The following DOCK3 variants were observed in gnomAD, a reference collection of about 807,000 sequenced individuals.
The protein encoded by DOCK3 is dedicator of cytokinesis 3.
A neutral mutation model predicts 265.6 loss-of-function variants in DOCK3; 60 were observed. That is an observed-to-expected ratio of 0.23 (90% CI 0.18 to 0.28). DOCK3 has a LOEUF of 0.28. DOCK3 is among the 10% of genes least tolerant of loss of function. The pLI, the probability that DOCK3 is intolerant of heterozygous loss-of-function variation, is 1.00. For missense variants in DOCK3, 1,981 were observed against 2,594.3 expected, an observed-to-expected ratio of 0.76 and a Z score of 5.14; for synonymous variants, 881 against 938.0, an observed-to-expected ratio of 0.94 and a Z score of 1.11.
Position 50,810,432 on chromosome 3 carries a change from T to C in DOCK3, c.122-31243T>C, listed in dbSNP as rs533837460. On this transcript the variant is annotated intron_variant, in intron 2 of 52. Transcript: ENST00000266037. ...TGGGCGTTGTGATGGGCACCTGTAATCCCGGCTACTTGGGAGGCTAGGGCA... is the reference window on the plus strand; with the variant it reads ...TGGGCGTTGTGATGGGCACCTGTAACCCCGGCTACTTGGGAGGCTAGGGCA... 2.0e-5 allele frequency among the ~76,000 whole-genome samples: 3 copies of C among 152,110 alleles called. No individual in the cohort carries two copies. The South Asian group carries it at 6.3e-4, about 32-fold the overall frequency.
chr3:51,203,184 A>C (rs1409984325), intron 12 of DOCK3, among the ~76,000 whole-genome samples: 1 of 152,074 alleles, frequency 6.6e-6, no homozygotes, highest in Non-Finnish European at 1.5e-5. Context: ...TAGGCAGGAG[A>C]AGGAAATAAA....
chr3:50,838,584 T>C (rs925189667), intron 2 of DOCK3, among the ~76,000 whole-genome samples: 6 of 152,338 alleles, frequency 3.9e-5, no homozygotes, highest in Admixed American at 3.9e-4. Context: ...TCTGAAATTT[T>C]GTAAAGTCAA....
chr3:51,019,276 T>C (rs1395911602), intron 5 of DOCK3, among the ~76,000 whole-genome samples: 3 of 151,920 alleles, frequency 2.0e-5, no homozygotes, highest in Non-Finnish European at 4.4e-5. Context: ...AATATACATC[T>C]GGAGTTGAAT....
chr3:51,327,253 G>C (rs2084188951), intron 32 of DOCK3, among the ~76,000 whole-genome samples: 1 of 152,128 alleles, frequency 6.6e-6, no homozygotes, highest in African/African-American at 2.4e-5. Flanking sequence ...TAGGCTCATA[G>C]AGATGAAAAT....
intron 4 of DOCK3, among the ~76,000 whole-genome samples, chr3:50,903,734 G>A (rs1364495129): frequency 6.6e-6 from 1 of 151,916 alleles, no homozygotes; most frequent in East Asian, 1.9e-4. Flanking sequence ...AGTTTTAGTA[G>A]AAATGGTACC....
At chr3:51,009,316 A>C (rs545706878) in intron 5 of DOCK3, among the ~76,000 whole-genome samples, 1 of 152,162 alleles carries the variant, frequency 6.6e-6, no homozygotes, top group East Asian at 1.9e-4. Flanking sequence ...GTCTATTCAG[A>C]GATTCAACTT....
chr3:51,033,954 G>C lies in DOCK3; in HGVS notation c.316-30494G>C, dbSNP rs1020355472. Reference sequence around the variant, plus strand: ...TCCACTTAAGCCTCACAGTAAGTTTGATGTTTGTTCTTTTTTCAGTTTTAC... The same window carrying C: ...TCCACTTAAGCCTCACAGTAAGTTTCATGTTTGTTCTTTTTTCAGTTTTAC... On this transcript the variant is annotated intron_variant, in intron 5 of 52. Transcript: ENST00000266037. 4.6e-5 allele frequency among the ~76,000 whole-genome samples: 7 copies of C among 152,118 alleles called. 1 individual carries two copies. Among genetic ancestry groups the C allele is most frequent in the African/African-American group, 1.7e-4 (7 of 41,434 alleles).
At chr3:51,203,124 C>G (rs1172954907) in intron 12 of DOCK3, among the ~76,000 whole-genome samples, 1 of 152,156 alleles carries the variant, frequency 6.6e-6, no homozygotes. Context: ...GGGATGCCCT[C>G]TCTCACCACT....
chr3:50,992,663 G>C (rs2078149847), intron 5 of DOCK3, among the ~76,000 whole-genome samples: 1 of 152,176 alleles, frequency 6.6e-6, no homozygotes, highest in African/African-American at 2.4e-5. Context: ...TAAGAAAAGA[G>C]AGAAGATTTA....
At chr3:50,885,362 C>T (rs1055045979) in intron 3 of DOCK3, among the ~76,000 whole-genome samples, 5 of 89,398 alleles carry the variant, frequency 5.6e-5, no homozygotes, top group African/African-American at 1.9e-4. Flanking sequence ...CTTTTGTATG[C>T]AGTTTTTTTT....
At chr3:50,741,724 G>A (rs1344869781) in intron 1 of DOCK3, among the ~76,000 whole-genome samples, 8 of 151,560 alleles carry the variant, frequency 5.3e-5, no homozygotes, top group South Asian at 2.1e-4. Context: ...GAATAGTGCC[G>A]CAATAAACAT....
intron 23 of DOCK3, among the ~76,000 whole-genome samples, chr3:51,268,007 G>A (rs918347692): frequency 6.6e-6 from 1 of 152,100 alleles, no homozygotes; most frequent in Non-Finnish European, 1.5e-5. Flanking sequence ...GGGGGACTAG[G>A]GGAGGGATAG....
intron 37 of DOCK3, 24 bp from the exon 38 acceptor site, chr3:51,341,213 C>T (rs1361311577): frequency 6.5e-7 from 1 of 1,549,498 alleles, no homozygotes; most frequent in Non-Finnish European, 8.7e-7. Flanking sequence ...AGCCCCTGGA[C>T]CTCCATGCTG....
intron 2 of DOCK3, among the ~76,000 whole-genome samples, chr3:50,794,863 G>A (rs2042683442): frequency 6.6e-6 from 1 of 152,144 alleles, no homozygotes; most frequent in Non-Finnish European, 1.5e-5. Flanking sequence ...GTGGTGGCTG[G>A]TAGTGGTCTT....
Position 51,239,562 on chromosome 3 carries a change from T to G in DOCK3, c.2102+1972T>G, listed in dbSNP as rs78374089. On this transcript the variant is annotated intron_variant, in intron 21 of 52. Coordinates refer to ENST00000266037, the MANE Select transcript of DOCK3 (RefSeq NM_004947.5). The stretch of plus-strand genomic sequence containing the variant: ...GAATCTGTCTGGTCCTGGGTTTTTT[T>G]TTTGTTTGTTTGTTTTTTGTTTTTT... 2.4e-3 allele frequency among the ~76,000 whole-genome samples: 330 copies of G among 139,592 alleles called. 1 individual carries two copies. Among genetic ancestry groups the G allele is most frequent in the East Asian group, 5.8e-3 (28 of 4,838 alleles). The allele number at this position is 139,592 out of a possible 152,430, so 91.6% of individuals were successfully genotyped here.
chr3:50,831,232 ATTT>A (rs1249437959), intron 2 of DOCK3, among the ~76,000 whole-genome samples: 1 of 140,532 alleles, frequency 7.1e-6, no homozygotes, highest in African/African-American at 2.6e-5. Context: ...TTTATTTTTA[ATTT>A]TTTTTATTTT....
At chr3:50,818,433 A>T (rs191771240) in intron 2 of DOCK3, among the ~76,000 whole-genome samples, 2 of 152,228 alleles carry the variant, frequency 1.3e-5, no homozygotes, top group Non-Finnish European at 2.9e-5. Context: ...GTTTGCTGTC[A>T]TCTAAATTAT....
intron 8 of DOCK3, among the ~76,000 whole-genome samples, chr3:51,089,827 G>A (rs1414114271): frequency 6.7e-6 from 1 of 150,326 alleles, no homozygotes; most frequent in African/African-American, 2.5e-5. Flanking sequence ...GCTTGAACCC[G>A]GGAGTAGAGT....
intron 2 of DOCK3, among the ~76,000 whole-genome samples, chr3:50,834,494 C>T (rs1043726176): frequency 1.5e-4 from 23 of 151,938 alleles, no homozygotes; most frequent in African/African-American, 5.1e-4. Flanking sequence ...AAATACAGCC[C>T]AAAGAAAGCC....
Sources: gnomAD v4.1 joint callset for allele counts (sites outside exome capture counted in the v4.1 genomes callset) on GRCh38, gnomAD v4.1.1 for gene constraint, MANE v1.5 for transcripts, NCBI Gene and HGNC (gene_info 2026-07-23, HGNC 2026-07-21) for gene names.